DFFA: variants seen among roughly 807,000 people sequenced by gnomAD.
DFFA encodes DFF45.
A neutral mutation model predicts 28.0 loss-of-function variants in DFFA; 14 were observed. The observed-to-expected ratio is 0.50, with a 90% CI of 0.33 to 0.78. The LOEUF is 0.78. DFFA is among the 30% of genes least tolerant of loss of function. DFFA has a pLI of 0.02. For missense variants in DFFA, 395 were observed against 407.1 expected, an observed-to-expected ratio of 0.97 and a Z score of 0.26; for synonymous variants, 158 against 170.3, an observed-to-expected ratio of 0.93 and a Z score of 0.56.
At position 10,461,275 on chromosome 1, in the gene DFFA, G is replaced by A. The variant is rs960522071; in HGVS notation, c.*215C>T. The A allele has an allele frequency of 2.6e-5, 16 of 605,586 alleles. No individual in the cohort carries two copies. Among genetic ancestry groups the A allele is most frequent in the African/African-American group, 2.4e-4 (13 of 54,200 alleles). 37.5% of individuals were successfully genotyped at this position (605,586 alleles called of 1,614,324 possible). Reference sequence around the variant, plus strand: ...TTAGAGGAGGCGGGATATTGTTGGTGCAGCTATATCATTCAAAATTGGCAG... The same window carrying A: ...TTAGAGGAGGCGGGATATTGTTGGTACAGCTATATCATTCAAAATTGGCAG... On this transcript the variant is annotated 3_prime_UTR_variant, in exon 6 of 6. Coordinates refer to ENST00000377038, the MANE Select transcript of DFFA (RefSeq NM_004401.3).
At chr1:10,470,668 G>A (rs1231656893) in intron 1 of DFFA, among the ~76,000 whole-genome samples, 1 of 149,360 alleles carries the variant, frequency 6.7e-6, no homozygotes, top group Admixed American at 6.6e-5. Context: ...CTCGTGATCC[G>A]CCCACCTCGG....
Position 10,461,703 on chromosome 1 carries a change from C to A in DFFA, c.784-1G>T, listed in dbSNP as rs769832519. 1 of 1,614,070 alleles carries A rather than the reference C, an allele frequency of 6.2e-7. No individual in the cohort carries two copies. The highest frequency in any genetic ancestry group is 1.1e-5 in the South Asian group (1 of 91,088). On this transcript the variant is annotated splice_acceptor_variant, in intron 5 of 5. Transcript: ENST00000377038. LOFTEE classifies it high-confidence loss of function. The stretch of plus-strand genomic sequence containing the variant: ...CTTTGGGGTCTTCCTTGGTAACCAA[C>A]TGCAGCAAGAATAAAAACCCCTGAG...
At chr1:10,466,417 C>T (rs1641023594) in intron 3 of DFFA, among the ~76,000 whole-genome samples, 1 of 151,638 alleles carries the variant, frequency 6.6e-6, no homozygotes, top group East Asian at 2.0e-4. Context: ...TCTCGATCTC[C>T]TGACCTCGTG....
chr1:10,466,927 T>C (rs1490534475), intron 3 of DFFA, among the ~76,000 whole-genome samples: 1 of 115,986 alleles, frequency 8.6e-6, no homozygotes. Flanking sequence ...CACTCCAGCC[T>C]GGGCGACAGA....
Position 10,470,864 on chromosome 1 carries a change from C to G in DFFA, c.136+1459G>C, listed in dbSNP as rs1004392233. 8.7e-5 allele frequency among the ~76,000 whole-genome samples: 13 copies of G among 150,236 alleles called. No individual in the cohort carries two copies. In the East Asian group the frequency reaches 1.4e-3, roughly 16 times the overall value. On this transcript the variant is annotated intron_variant, in intron 1 of 5. Transcript: ENST00000377038. ...GGATCACAAAGCAGGCAATCGAGAC[C>G]ATCCTGGCTAACATGGTGAAAAACC...
chr1:10,467,360 C>A, intron 2 of DFFA, 28 bp from the exon 3 acceptor site: 1 of 1,613,956 alleles, frequency 6.2e-7, no homozygotes, highest in Non-Finnish European at 8.5e-7. Flanking sequence ...ATGCCAGTCA[C>A]AGAACAACCT....
In DFFA at chr1:10,472,187, G is replaced by A; in HGVS notation, c.136+136C>T. 5 of 1,097,932 alleles carry A rather than the reference G, an allele frequency of 4.6e-6. No homozygotes were observed. The highest frequency in any genetic ancestry group is 1.8e-5 in the South Asian group (1 of 56,266). 68.0% of individuals were successfully genotyped at this position (1,097,932 alleles called of 1,614,324 possible). On this transcript the variant is annotated intron_variant, in intron 1 of 5. Coordinates refer to ENST00000377038, the MANE Select transcript of DFFA (RefSeq NM_004401.3). The surrounding 1 kb of genome is among the most constrained non-coding windows in gnomAD (Gnocchi z 5.0). ...AATCTGTAAATCGCTATGCCCACTC[G>A]GACCGTTTCTGTCCCAAGCCTCCAC...
In DFFA at chr1:10,463,052, G is replaced by T; in HGVS notation, c.783+6C>A. 1 of 1,613,858 alleles carries T rather than the reference G, an allele frequency of 6.2e-7. No individual in the cohort carries two copies. Among genetic ancestry groups the T allele is most frequent in the Non-Finnish European group, 8.5e-7 (1 of 1,179,936 alleles). On this transcript the variant is annotated splice_donor_region_variant and intron_variant, in intron 5 of 5. Coordinates refer to ENST00000377038, the MANE Select transcript of DFFA (RefSeq NM_004401.3). The stretch of plus-strand genomic sequence containing the variant: ...CTGTAGCTCAGTGACCCTGGTTTCC[G>T]CCCACCTCCAAATCCTGACTAGATA...
Position 10,467,339 on chromosome 1 carries a change from C to G in DFFA, c.299-7G>C. On this transcript the variant is annotated splice_region_variant and splice_polypyrimidine_tract_variant and intron_variant, in intron 2 of 5. Transcript: ENST00000377038. Reference sequence around the variant, plus strand: ...ATCCAAGCTGTACCTCCATCTGACACATGGGAGAAAATGCCAGTCACAGAA... The same window carrying G: ...ATCCAAGCTGTACCTCCATCTGACAGATGGGAGAAAATGCCAGTCACAGAA... 6.2e-7 allele frequency: 1 copy of G among 1,614,134 alleles called. No individual in the cohort carries two copies. Among genetic ancestry groups the G allele is most frequent in the Non-Finnish European group, 8.5e-7 (1 of 1,180,016 alleles).
chr1:10,461,586 C>CGTCT lies in DFFA; in HGVS notation c.896_899dup (p.Gln301AspfsTer20), dbSNP rs771034718. ...TGCTCCGGAGAGAATGCAAGCTCTG[C>CGTCT]GTCTGCTGCAGGCGCAGGGCGAGCT... On this transcript the variant is annotated frameshift_variant, in exon 6 of 6. Coordinates refer to ENST00000377038, the MANE Select transcript of DFFA (RefSeq NM_004401.3). LOFTEE classifies it low-confidence loss of function (END_TRUNC). 1 of 1,614,232 alleles carries CGTCT rather than the reference C, an allele frequency of 6.2e-7. No homozygotes were observed. Among genetic ancestry groups the CGTCT allele is most frequent in the South Asian group, 1.1e-5 (1 of 91,088 alleles).
At chr1:10,462,171 T>C (rs1640956597) in intron 5 of DFFA, among the ~76,000 whole-genome samples, 1 of 152,182 alleles carries the variant, frequency 6.6e-6, no homozygotes, top group African/African-American at 2.4e-5. Context: ...CATGGGCTTT[T>C]TTAAGACGGA....
At chr1:10,470,307 A>G (rs1641078421) in intron 1 of DFFA, among the ~76,000 whole-genome samples, 1 of 151,820 alleles carries the variant, frequency 6.6e-6, no homozygotes, top group African/African-American at 2.4e-5. Context: ...TACTCCAGCT[A>G]CTCCACACTC....
chr1:10,468,196 C>T (rs1486773282), intron 2 of DFFA, among the ~76,000 whole-genome samples: 4 of 151,852 alleles, frequency 2.6e-5, no homozygotes, highest in African/African-American at 7.3e-5. Context: ...CCTTGGTCAC[C>T]AATGTTAGTC....
Position 10,471,791 on chromosome 1 carries a change from T to C in DFFA, c.136+532A>G, listed in dbSNP as rs72640365. Among the ~76,000 whole-genome samples the C allele has an allele frequency of 7.2e-4, 109 of 152,328 alleles. 1 individual carries two copies. The highest frequency in any genetic ancestry group is 7.9e-4 in the Non-Finnish European group (54 of 68,036). ...AACTGAGGGTTGAGAGCTGGTTAAG[T>C]GCAAGGCCAAGCAGCTGGTAAAGGT... On this transcript the variant is annotated intron_variant, in intron 1 of 5. Coordinates refer to ENST00000377038, the MANE Select transcript of DFFA (RefSeq NM_004401.3).
chr1:10,458,580 C>G lies in DFFA; in HGVS notation c.*2910G>C, dbSNP rs1640889241. On this transcript the variant is annotated 3_prime_UTR_variant, in exon 6 of 6. Transcript: ENST00000377038. ...TAAAGACAGAGTCTCATTCTGTCAC[C>G]CAGGCTGGAGCCCAGTGGCAGGATC... 1 of 145,166 alleles carries G rather than the reference C, an allele frequency of 6.9e-6. No homozygotes were observed. The highest frequency in any genetic ancestry group is 2.5e-5 in the African/African-American group (1 of 39,574). The allele number at this position is 145,166 out of a possible 1,614,324, so 9.0% of individuals were successfully genotyped here. A position where few individuals can be genotyped will look rare whatever the true frequency, so the allele number is the denominator to read the frequency against.
rs1641107127 is a variant in DFFA, at chr1:10,472,155, C to T, written c.136+168G>A. 1 of 736,508 alleles carries T rather than the reference C, an allele frequency of 1.4e-6. No homozygotes were observed. The highest frequency in any genetic ancestry group is 2.0e-6 in the Non-Finnish European group (1 of 494,442). 45.6% of individuals were successfully genotyped at this position (736,508 alleles called of 1,614,324 possible). ...TCACACGAGATTAATTACGCTCAAG[C>T]GCCTTAAATCTGTAAATCGCTATGC... On this transcript the variant is annotated intron_variant, in intron 1 of 5. Transcript: ENST00000377038. This position sits in a 1 kb window ranked among gnomAD's most constrained non-coding sequence, Gnocchi z 5.0.
At position 10,472,237 on chromosome 1, in the gene DFFA, G is replaced by T; in HGVS notation, c.136+86C>A. On this transcript the variant is annotated intron_variant, in intron 1 of 5. Transcript: ENST00000377038. The surrounding 1 kb of genome is among the most constrained non-coding windows in gnomAD (Gnocchi z 5.0). ...CCCGAGATACAAGAATCCCCAAGTC[G>T]CCTCTCCTGACCCCGCCTCGCCCCC... 7.0e-7 allele frequency: 1 copy of T among 1,431,180 alleles called. No homozygotes were observed. Among genetic ancestry groups the T allele is most frequent in the Non-Finnish European group, 9.3e-7 (1 of 1,078,668 alleles). The allele number at this position is 1,431,180 out of a possible 1,614,324, so 88.7% of individuals were successfully genotyped here.
rs1557792133 is a variant in DFFA, at chr1:10,461,711, A to G, written c.784-9T>C. On this transcript the variant is annotated splice_polypyrimidine_tract_variant and intron_variant, in intron 5 of 5. Coordinates refer to ENST00000377038, the MANE Select transcript of DFFA (RefSeq NM_004401.3). The stretch of plus-strand genomic sequence containing the variant: ...TCTTCCTTGGTAACCAACTGCAGCA[A>G]GAATAAAAACCCCTGAGAACTGGGC... The G allele has an allele frequency of 6.2e-7, 1 of 1,614,014 alleles. No homozygotes were observed. Among genetic ancestry groups the G allele is most frequent in the Admixed American group, 1.7e-5 (1 of 60,002 alleles).
intron 3 of DFFA, among the ~76,000 whole-genome samples, chr1:10,464,283 G>A (rs1391571125): frequency 1.3e-5 from 2 of 151,640 alleles, no homozygotes; most frequent in African/African-American, 2.4e-5. Flanking sequence ...TAGTAGAGAC[G>A]GGGTTTCACC....
Sources: allele counts gnomAD v4.1 joint callset (sites outside exome capture counted in the v4.1 genomes callset), GRCh38; gene constraint gnomAD v4.1.1; non-coding constraint Gnocchi (gnomAD v3.1); transcripts MANE v1.5; gene names NCBI Gene and HGNC (gene_info 2026-07-23, HGNC 2026-07-21).